The following KIAA0586 variants were observed in gnomAD, a reference collection of about 807,000 sequenced individuals.
KIAA0586 encodes the protein KIAA0586.
Under a neutral mutation model 169.8 loss-of-function variants are expected in KIAA0586, and 144 were observed. The observed-to-expected ratio is 0.85, with a 90% CI of 0.74 to 0.97. KIAA0586 has a LOEUF of 0.97. Among genes scored for constraint, KIAA0586 ranks in the 50% least tolerant of loss-of-function variants. The probability of loss-of-function intolerance (pLI) is 0.00; values close to 1 mark genes in which losing one functional copy is unlikely to be tolerated. For missense variants in KIAA0586, 1,854 were observed against 1,823.0 expected (o/e 1.02, Z -0.31); for synonymous variants, 625 against 612.4 (o/e 1.02, Z -0.30).
At chr14:58,441,058 G>A (rs746899287) in intron 4 of KIAA0586, 2 of 184,440 alleles carry the variant, frequency 1.1e-5, no homozygotes, top group Admixed American at 5.4e-5. Context: ...GACTATAATC[G>A]TTTTACAATG....
chr14:58,429,841 A>T (rs943030228), intron 2 of KIAA0586, among the ~76,000 whole-genome samples: 1 of 152,160 alleles, frequency 6.6e-6, no homozygotes, highest in African/African-American at 2.4e-5. Flanking sequence ...TGGTTTTCTT[A>T]GAAGGGAGGT....
upstream of KIAA0586, chr14:58,427,569 G>A (rs2036919166): frequency 1.1e-5 from 17 of 1,534,616 alleles, no homozygotes; most frequent in Non-Finnish European, 1.3e-5. Context: ...TATGTCCGGA[G>A]TTTGTTTCCA....
chr14:58,456,701 G>C lies in KIAA0586; in HGVS notation c.1254-1G>C, dbSNP rs757350052. 179 of 1,564,632 alleles carry C rather than the reference G, an allele frequency of 1.1e-4. No individual in the cohort carries two copies. The highest frequency in any genetic ancestry group is 1.5e-4 in the Non-Finnish European group (167 of 1,145,662). On this transcript the variant is annotated splice_acceptor_variant, in intron 9 of 30. Coordinates refer to ENST00000652326, the MANE Select transcript of KIAA0586 (RefSeq NM_001329943.3). LOFTEE classifies it high-confidence loss of function. The stretch of plus-strand genomic sequence containing the variant: ...AGCGTTGAAACTCTACCTTCTCAAA[G>C]ATTTCCTTCCTGTGAAGAGCTAGAA...
At chr14:58,431,450 A>G (rs868705843) in intron 3 of KIAA0586, among the ~76,000 whole-genome samples, 11 of 151,806 alleles carry the variant, frequency 7.2e-5, no homozygotes, top group African/African-American at 2.4e-4. Flanking sequence ...TTTTTTTTGT[A>G]GAGACAGGGT....
At chr14:58,441,278 C>T (rs1347557497) in intron 4 of KIAA0586, 5 of 447,966 alleles carry the variant, frequency 1.1e-5, no homozygotes, top group South Asian at 1.6e-5. Flanking sequence ...CAACTCACTG[C>T]AGTCTCTACC....
chr14:58,427,772 C>T lies in KIAA0586; in HGVS notation c.-493C>T. Reference sequence around the variant, plus strand: ...GCGGGTCTCGGGCGTTCTGGAGATACGTAGGGGTGAATTTATGTTTCCGAC... The same window carrying T: ...GCGGGTCTCGGGCGTTCTGGAGATATGTAGGGGTGAATTTATGTTTCCGAC... On this transcript the variant is annotated 5_prime_UTR_variant, in exon 1 of 31. The change creates a new upstream start codon in the 5' untranslated region. Coordinates refer to ENST00000652326, the MANE Select transcript of KIAA0586 (RefSeq NM_001329943.3). The T allele has an allele frequency of 6.6e-7, 1 of 1,525,238 alleles. No individual in the cohort carries two copies. Among genetic ancestry groups the T allele is most frequent in the Non-Finnish European group, 8.8e-7 (1 of 1,142,032 alleles). The allele number at this position is 1,525,238 out of a possible 1,614,324, so 94.5% of individuals were successfully genotyped here.
intron 3 of KIAA0586, 138 bp downstream of exon 3, chr14:58,430,855 G>T: frequency 1.8e-6 from 1 of 569,798 alleles, no homozygotes; most frequent in South Asian, 2.5e-5. Flanking sequence ...CATATCCAGA[G>T]CTTTGTCATC....
intron 15 of KIAA0586, 37 bp from the exon 16 acceptor site, chr14:58,467,698 G>C: frequency 6.8e-7 from 1 of 1,463,372 alleles, no homozygotes; most frequent in East Asian, 2.3e-5. Flanking sequence ...CTTTTTTTCT[G>C]AACTAGTTGA....
chr14:58,438,072 G>A (rs1414239244), intron 4 of KIAA0586, among the ~76,000 whole-genome samples: 1 of 152,254 alleles, frequency 6.6e-6, no homozygotes, highest in East Asian at 1.9e-4. Flanking sequence ...TGAGCAAGCA[G>A]GATTCTTAGT....
chr14:58,480,774 A>G (rs758517176), intron 20 of KIAA0586, among the ~76,000 whole-genome samples: 8 of 152,226 alleles, frequency 5.3e-5, no homozygotes, highest in Non-Finnish European at 1.0e-4. Context: ...CCTATTTAGC[A>G]TAGCTCACAT....
rs567087804 is a variant in KIAA0586 at position 58,496,272 on chromosome 14, C to CA, written c.3991-2510dup. Among the ~76,000 whole-genome samples the CA allele has an allele frequency of 3.1e-4, 47 of 152,240 alleles. No individual in the cohort carries two copies. The South Asian group carries it at 3.3e-3, about 11-fold the overall frequency. ...TAAGCATTGAGTATAATCCAAAACT[C>CA]AGAGATACTTATGAGTATGAGACCA... On this transcript the variant is annotated intron_variant, in intron 26 of 30. Transcript: ENST00000652326.
intron 19 of KIAA0586, among the ~76,000 whole-genome samples, chr14:58,475,913 A>C (rs2141037122): frequency 1.3e-5 from 2 of 152,230 alleles, no homozygotes; most frequent in South Asian, 4.2e-4. Flanking sequence ...CAGCCTGACC[A>C]ACATGATGAA....
intron 3 of KIAA0586, among the ~76,000 whole-genome samples, chr14:58,432,178 C>T (rs984524597): frequency 2.0e-5 from 3 of 151,984 alleles, no homozygotes; most frequent in Non-Finnish European, 2.9e-5. Flanking sequence ...AACTTTTGCC[C>T]GTTCAGTATG....
At chr14:58,535,906 G>C (rs1471941668) in intron 29 of KIAA0586, among the ~76,000 whole-genome samples, 1 of 151,794 alleles carries the variant, frequency 6.6e-6, no homozygotes. Flanking sequence ...CAGCCTTATA[G>C]TTTTATGCTG....
chr14:58,479,608 A>G (rs546591615), intron 20 of KIAA0586, among the ~76,000 whole-genome samples: 3 of 152,256 alleles, frequency 2.0e-5, no homozygotes, highest in African/African-American at 7.2e-5. Flanking sequence ...ACCCAAGATC[A>G]TTAAGATAGT....
chr14:58,494,443 T>C (rs947401280), intron 26 of KIAA0586, among the ~76,000 whole-genome samples: 1 of 152,032 alleles, frequency 6.6e-6, no homozygotes, highest in Non-Finnish European at 1.5e-5. Context: ...TTTAAACTTA[T>C]TGACTCCTCA....
intron 8 of KIAA0586, 41 bp from the exon 9 acceptor site, chr14:58,453,309 A>G: frequency 9.4e-7 from 1 of 1,061,550 alleles, no homozygotes; most frequent in Non-Finnish European, 1.3e-6. Context: ...AGAGAAATGA[A>G]TTAGTATTTG....
intron 21 of KIAA0586, among the ~76,000 whole-genome samples, chr14:58,484,924 A>ATATATATAT (rs1566877360): frequency 7.7e-5 from 1 of 13,052 alleles, no homozygotes; most frequent in African/African-American, 3.1e-4. Flanking sequence ...ATATATATAT[A>ATATATATAT]TTTTTTTTTT....
At chr14:58,544,513 C>T (rs1280335568) in intron 30 of KIAA0586, among the ~76,000 whole-genome samples, 1 of 152,192 alleles carries the variant, frequency 6.6e-6, no homozygotes, top group Non-Finnish European at 1.5e-5. Context: ...CTTTTCTCTG[C>T]AACCTCACCA....
Sources: allele counts gnomAD v4.1 joint callset (sites outside exome capture counted in the v4.1 genomes callset), GRCh38; gene constraint gnomAD v4.1.1; transcripts MANE v1.5; gene names NCBI Gene and HGNC (gene_info 2026-07-23, HGNC 2026-07-21).